Variants in LIN52 observed in about 807,000 individuals in gnomAD.
LIN52 encodes the protein lin-52 DREAM MuvB core complex component.
A neutral mutation model predicts 18.5 loss-of-function variants in LIN52; 4 were observed. The observed-to-expected ratio is 0.22, with a 90% confidence interval of 0.11 to 0.49. The LOEUF is 0.49. Among genes scored for constraint, LIN52 ranks in the 20% least tolerant of loss-of-function variants. The pLI is 0.97. For missense variants in LIN52, 102 were observed against 139.5 expected (o/e 0.73, Z 1.35); for synonymous variants, 34 against 45.5 (o/e 0.75, Z 1.02).
chr14:74,088,975 T>C (rs1301718470), intron 1 of LIN52, among the ~76,000 whole-genome samples: 1 of 152,080 alleles, frequency 6.6e-6, no homozygotes, highest in Non-Finnish European at 1.5e-5. Context: ...CATTCACAGA[T>C]TTAGCTGGGA....
intron 5 of LIN52, among the ~76,000 whole-genome samples, chr14:74,115,776 G>A (rs902451359): frequency 1.3e-5 from 2 of 152,134 alleles, no homozygotes; most frequent in African/African-American, 4.8e-5. Context: ...TTACCTTTAA[G>A]GCTTGTAAAC....
At chr14:74,168,729 C>T (rs1459352421) in intron 5 of LIN52, among the ~76,000 whole-genome samples, 1 of 151,832 alleles carries the variant, frequency 6.6e-6, no homozygotes, top group Non-Finnish European at 1.5e-5. Flanking sequence ...AGGAAACATA[C>T]TTAATCTAAT....
chr14:74,101,284 G>T (rs1395988920), intron 5 of LIN52, 46 bp downstream of exon 5: 1 of 1,361,482 alleles, frequency 7.3e-7, no homozygotes, highest in East Asian at 2.5e-5. Flanking sequence ...TCCACCCTGA[G>T]CTGTGTATTC....
chr14:74,086,944 A>C (rs1194584332), intron 1 of LIN52, among the ~76,000 whole-genome samples: 1 of 142,708 alleles, frequency 7.0e-6, no homozygotes, highest in African/African-American at 2.7e-5. Flanking sequence ...ATTTCACCAC[A>C]GTTGAAAAAA....
Position 74,097,911 on chromosome 14 carries a change from G to C in LIN52, c.199+51G>C, listed in dbSNP as rs1314640829. On this transcript the variant is annotated intron_variant, in intron 4 of 5. Coordinates refer to ENST00000555028, the MANE Select transcript of LIN52 (RefSeq NM_001024674.3). Reference sequence around the variant, plus strand: ...AACTGGATATTTATGTTTTTCCATAGACCACCTCTCTATTTTTTTTTTCTG... The same window carrying C: ...AACTGGATATTTATGTTTTTCCATACACCACCTCTCTATTTTTTTTTTCTG... 5.2e-6 allele frequency: 7 copies of C among 1,339,780 alleles called. 1 individual carries two copies. In the Admixed American group the frequency reaches 5.5e-5, roughly 10 times the overall value. 83.0% of individuals were successfully genotyped at this position (1,339,780 alleles called of 1,614,324 possible).
chr14:74,086,557 A>C (rs990088102), intron 1 of LIN52, among the ~76,000 whole-genome samples: 3 of 152,024 alleles, frequency 2.0e-5, no homozygotes, highest in African/African-American at 4.8e-5. Flanking sequence ...GGGGGGGCTG[A>C]GGCAAGAGAA....
chr14:74,085,267 G>C (rs2239557), intron 1 of LIN52: 137,458 of 351,776 alleles, frequency 0.39, 30,338 homozygotes, highest in East Asian at 0.82. Flanking sequence ...GTCGCCCTGT[G>C]CCTTCCTTAT....
At chr14:74,121,269 G>T (rs141494804) in intron 5 of LIN52, among the ~76,000 whole-genome samples, 1 of 152,152 alleles carries the variant, frequency 6.6e-6, no homozygotes, top group African/African-American at 2.4e-5. Flanking sequence ...TCTCTATTCA[G>T]CAATTCTCCA....
At chr14:74,114,258 T>C in intron 5 of LIN52, 2 of 985,506 alleles carry the variant, frequency 2.0e-6, no homozygotes, top group Non-Finnish European at 2.4e-6. Context: ...TCTTAAGCAT[T>C]TTCCTGTGTC....
intron 2 of LIN52, among the ~76,000 whole-genome samples, chr14:74,094,025 T>C (rs1230021450): frequency 6.6e-6 from 1 of 151,916 alleles, no homozygotes; most frequent in East Asian, 1.9e-4. Context: ...ACCTATTTTA[T>C]ACAGATAAGG....
intron 5 of LIN52, among the ~76,000 whole-genome samples, chr14:74,123,316 C>G (rs191839549): frequency 2.8e-4 from 43 of 152,196 alleles, no homozygotes; most frequent in Admixed American, 2.6e-3. Context: ...TTCTATAAAT[C>G]CTAGTAGGAG....
chr14:74,179,580 C>T (rs757269376), intron 5 of LIN52, among the ~76,000 whole-genome samples: 6 of 150,504 alleles, frequency 4.0e-5, no homozygotes, highest in Non-Finnish European at 8.8e-5. Flanking sequence ...CGCTTGAACC[C>T]GGGAGGTGGA....
chr14:74,191,640 T>TC (rs1332728689), intron 5 of LIN52, among the ~76,000 whole-genome samples: 11 of 150,706 alleles, frequency 7.3e-5, no homozygotes, highest in Non-Finnish European at 1.0e-4. Context: ...TTTCTTTCTT[T>TC]TTTTTTTTTT....
At chr14:74,172,977 C>A (rs533097548) in intron 5 of LIN52, among the ~76,000 whole-genome samples, 1 of 151,988 alleles carries the variant, frequency 6.6e-6, no homozygotes, top group Non-Finnish European at 1.5e-5. Context: ...CCAATAAATA[C>A]GTATTGAATG....
intron 5 of LIN52, among the ~76,000 whole-genome samples, chr14:74,150,390 C>T (rs2061171445): frequency 2.0e-5 from 3 of 152,078 alleles, no homozygotes; most frequent in Non-Finnish European, 4.4e-5. Context: ...GAATGAATCT[C>T]AAGAATATAT....
chr14:74,188,949 C>T (rs776305965), intron 5 of LIN52, among the ~76,000 whole-genome samples: 3 of 152,130 alleles, frequency 2.0e-5, no homozygotes, highest in Non-Finnish European at 4.4e-5. Flanking sequence ...CTTCATCATC[C>T]CTAGACGTTA....
At chr14:74,091,964 C>G (rs1002124219) in intron 2 of LIN52, among the ~76,000 whole-genome samples, 2 of 151,788 alleles carry the variant, frequency 1.3e-5, no homozygotes, top group East Asian at 1.9e-4. Flanking sequence ...AAATAAGGAG[C>G]CATTAAACAA....
At chr14:74,137,496 C>CTTTTTTTTTTTTTTTT (rs1409995305) in intron 5 of LIN52, among the ~76,000 whole-genome samples, 5 of 85,518 alleles carry the variant, frequency 5.8e-5, no homozygotes, top group African/African-American at 2.1e-4. Context: ...CACAGCAGCT[C>CTTTTTTTTTTTTTTTT]TCTTTTTTTT....
chr14:74,191,927 G>A (rs1478406950), intron 5 of LIN52, among the ~76,000 whole-genome samples: 1 of 152,070 alleles, frequency 6.6e-6, no homozygotes, highest in Non-Finnish European at 1.5e-5. Flanking sequence ...GAGCCACCGC[G>A]CCCGGCCACT....
Sources: allele counts gnomAD v4.1 joint callset (sites outside exome capture counted in the v4.1 genomes callset), GRCh38; gene constraint gnomAD v4.1.1; transcripts MANE v1.5; gene names NCBI Gene and HGNC (gene_info 2026-07-23, HGNC 2026-07-21).